ANK3: variants seen among roughly 807,000 people sequenced by gnomAD.
ANK3 encodes ankyrin 3, also known as ankyrin-3.
A neutral mutation model predicts 370.9 loss-of-function variants in ANK3; 57 were observed. The observed-to-expected ratio is 0.15, with a 90% CI of 0.12 to 0.19. The LOEUF (loss-of-function observed/expected upper bound fraction) is 0.19, where lower values mean the gene tolerates loss of function less well. Among genes scored for constraint, ANK3 ranks in the 10% least tolerant of loss-of-function variants. ANK3 has a pLI of 1.00. For synonymous variants in ANK3, 1,929 were observed against 1,946.3 expected (o/e 0.99, Z 0.23); for missense variants, 4,439 against 5,302.1 (o/e 0.84, Z 5.06).
At chr10:60,722,800 T>G (rs1419864010) in intron 1 of ANK3, among the ~76,000 whole-genome samples, 1 of 152,152 alleles carries the variant, frequency 6.6e-6, no homozygotes, top group Admixed American at 6.5e-5. Flanking sequence ...TTTGGGACTT[T>G]CCCCTTCTCT....
intron 24 of ANK3, chr10:60,138,388 A>G: frequency 3.4e-6 from 1 of 291,702 alleles, no homozygotes; most frequent in Non-Finnish European, 6.3e-6. Context: ...TGAATTTGTC[A>G]CCATTCCTGT....
intron 2 of ANK3, among the ~76,000 whole-genome samples, chr10:60,570,573 GA>G (rs906035243): frequency 3.3e-5 from 5 of 151,884 alleles, no homozygotes; most frequent in African/African-American, 9.7e-5. Context: ...TAATGAGGGG[GA>G]AAAAAACAGA....
At chr10:60,033,116 C>T (rs1422849861) in intron 43 of ANK3, among the ~76,000 whole-genome samples, 1 of 152,172 alleles carries the variant, frequency 6.6e-6, no homozygotes, top group African/African-American at 2.4e-5. Context: ...TTTTGTATGC[C>T]TTTCAAACCT....
chr10:60,669,928 T>A (rs2079045102), intron 1 of ANK3, among the ~76,000 whole-genome samples: 1 of 152,118 alleles, frequency 6.6e-6, no homozygotes, highest in Non-Finnish European at 1.5e-5. Flanking sequence ...GTTCTAGTGA[T>A]CCTCCCACCC....
intron 17 of ANK3, among the ~76,000 whole-genome samples, chr10:60,186,120 C>A (rs1457317522): frequency 6.6e-6 from 1 of 152,186 alleles, no homozygotes; most frequent in Non-Finnish European, 1.5e-5. Context: ...GGACCCCAAA[C>A]ATGTTTGTGA....
chr10:60,466,685 G>C (rs2133068299), intron 2 of ANK3, among the ~76,000 whole-genome samples: 1 of 152,174 alleles, frequency 6.6e-6, no homozygotes, highest in South Asian at 2.1e-4. Flanking sequence ...TTCAGCTGAT[G>C]AATAAACAAC....
intron 2 of ANK3, among the ~76,000 whole-genome samples, chr10:60,468,708 G>T (rs2065067885): frequency 6.6e-6 from 1 of 151,554 alleles, no homozygotes; most frequent in Non-Finnish European, 1.5e-5. Flanking sequence ...TTAAAATAAA[G>T]ACAACATTAA....
At chr10:60,522,528 GA>G (rs922446278) in intron 2 of ANK3, among the ~76,000 whole-genome samples, 1 of 151,860 alleles carries the variant, frequency 6.6e-6, no homozygotes, top group African/African-American at 2.4e-5. Context: ...CCAGGTTTTA[GA>G]TCTGTACCCA....
chr10:60,566,001 C>T (rs2077451388), intron 2 of ANK3, among the ~76,000 whole-genome samples: 1 of 152,202 alleles, frequency 6.6e-6, no homozygotes, highest in South Asian at 2.1e-4. Context: ...TGCCATTTTT[C>T]CAACACCATG....
At chr10:60,645,618 C>T (rs185016335) in intron 1 of ANK3, among the ~76,000 whole-genome samples, 20 of 151,888 alleles carry the variant, frequency 1.3e-4, no homozygotes, top group South Asian at 4.2e-4. Context: ...CCAACTACTA[C>T]GGAGGCTGAG....
At chr10:60,281,655 C>A (rs755286811) in intron 1 of ANK3, among the ~76,000 whole-genome samples, 4 of 152,116 alleles carry the variant, frequency 2.6e-5, no homozygotes, top group Non-Finnish European at 5.9e-5. Flanking sequence ...AATGCATCAA[C>A]AAATAAGTAA....
intron 1 of ANK3, among the ~76,000 whole-genome samples, chr10:60,313,850 T>G (rs1450933000): frequency 6.6e-6 from 1 of 152,074 alleles, no homozygotes; most frequent in African/African-American, 2.4e-5. Context: ...AGATTTATCC[T>G]GAATATCTCA....
At chr10:60,256,280 TAGTAACA>T (rs2097733693) in intron 7 of ANK3, among the ~76,000 whole-genome samples, 1 of 152,274 alleles carries the variant, frequency 6.6e-6, no homozygotes, top group African/African-American at 2.4e-5. Context: ...ATTCACACAT[TAGTAACA>T]AGTACTAATG....
At chr10:60,312,475 A>C (rs920634580) in intron 1 of ANK3, among the ~76,000 whole-genome samples, 1 of 152,178 alleles carries the variant, frequency 6.6e-6, no homozygotes, top group South Asian at 2.1e-4. Flanking sequence ...TCCTACCTTA[A>C]AGGGGTTTGG....
intron 2 of ANK3, among the ~76,000 whole-genome samples, chr10:60,452,307 CTATGT>C (rs1490300825): frequency 6.6e-6 from 1 of 152,254 alleles, no homozygotes; most frequent in Non-Finnish European, 1.5e-5. Flanking sequence ...ACCACCACAG[CTATGT>C]GCACCCTCAG....
intron 7 of ANK3, among the ~76,000 whole-genome samples, chr10:60,258,806 C>T (rs2097768829): frequency 6.6e-6 from 1 of 150,468 alleles, no homozygotes; most frequent in Admixed American, 6.6e-5. Context: ...AAATCTTCCA[C>T]TCCCTACTGT....
intron 2 of ANK3, among the ~76,000 whole-genome samples, chr10:60,574,470 C>T (rs183733503): frequency 6.6e-6 from 1 of 152,328 alleles, no homozygotes; most frequent in Admixed American, 6.5e-5. Context: ...AGACACTGAA[C>T]TGCTATTTAA....
intron 2 of ANK3, among the ~76,000 whole-genome samples, chr10:60,515,331 A>G (rs1249976833): frequency 6.6e-6 from 1 of 152,150 alleles, no homozygotes; most frequent in East Asian, 1.9e-4. Flanking sequence ...GCCCCTGCAC[A>G]TTCAGCAGGG....
At chr10:60,639,693 A>G (rs1168410127) in intron 1 of ANK3, among the ~76,000 whole-genome samples, 1 of 151,978 alleles carries the variant, frequency 6.6e-6, no homozygotes, top group Non-Finnish European at 1.5e-5. Context: ...CCACTAAAGT[A>G]AATAACTACT....
Sources: allele counts gnomAD v4.1 joint callset (sites outside exome capture counted in the v4.1 genomes callset), GRCh38; gene constraint gnomAD v4.1.1; transcripts MANE v1.5; gene names NCBI Gene and HGNC (gene_info 2026-07-23, HGNC 2026-07-21).